Variants in THSD7B observed in about 807,000 individuals in gnomAD.
THSD7B encodes thrombospondin type-1 domain-containing protein 7B.
THSD7B carries 138 observed loss-of-function variants against 213.6 expected under a neutral mutation model. The observed-to-expected ratio is 0.65, with a 90% CI of 0.56 to 0.74. THSD7B has a LOEUF of 0.74. Among genes scored for constraint, THSD7B ranks in the 30% least tolerant of loss-of-function variants. The pLI is 0.00. For missense variants in THSD7B, 1,931 were observed against 1,991.5 expected, an observed-to-expected ratio of 0.97 and a Z score of 0.58; for synonymous variants, 742 against 687.0, an observed-to-expected ratio of 1.08 and a Z score of -1.25.
intron 15 of THSD7B, among the ~76,000 whole-genome samples, chr2:137,482,326 C>G (rs985079079): frequency 8.6e-5 from 13 of 152,022 alleles, no homozygotes; most frequent in South Asian, 8.3e-4. Context: ...AAGAATAAAT[C>G]TAATTGCATA....
chr2:137,252,857 T>C (rs1682218380), intron 10 of THSD7B, among the ~76,000 whole-genome samples: 1 of 151,214 alleles, frequency 6.6e-6, no homozygotes, highest in Admixed American at 6.6e-5. Flanking sequence ...CCAGTTACAC[T>C]CTGGGTGCTA....
At chr2:137,243,277 C>A (rs902726628) in intron 10 of THSD7B, among the ~76,000 whole-genome samples, 1 of 152,188 alleles carries the variant, frequency 6.6e-6, no homozygotes, top group South Asian at 2.1e-4. Flanking sequence ...CCCAAAACTC[C>A]ATTTTGGCCT....
intron 20 of THSD7B, among the ~76,000 whole-genome samples, chr2:137,641,686 C>T (rs974687340): frequency 7.2e-5 from 11 of 152,238 alleles, no homozygotes; most frequent in Non-Finnish European, 1.3e-4. Context: ...TGACCTAATG[C>T]CTAGGAGGGG....
intron 7 of THSD7B, among the ~76,000 whole-genome samples, chr2:137,229,035 G>A (rs1002242383): frequency 6.6e-6 from 1 of 152,168 alleles, no homozygotes. Flanking sequence ...CAGGTGAAGA[G>A]CACTACATCT....
At chr2:136,942,607 T>A (rs1248476036) in intron 2 of THSD7B, among the ~76,000 whole-genome samples, 4 of 152,114 alleles carry the variant, frequency 2.6e-5, no homozygotes, top group Non-Finnish European at 4.4e-5. Context: ...ATTCTCTTTG[T>A]AGCAATTGTG....
intron 3 of THSD7B, among the ~76,000 whole-genome samples, chr2:137,074,903 A>G (rs543213229): frequency 3.0e-4 from 46 of 152,204 alleles, no homozygotes; most frequent in African/African-American, 1.2e-4. Flanking sequence ...TAAGAATGTT[A>G]AATATTGGCC....
At chr2:137,193,322 G>A (rs991781819) in intron 7 of THSD7B, among the ~76,000 whole-genome samples, 7 of 152,092 alleles carry the variant, frequency 4.6e-5, no homozygotes, top group Non-Finnish European at 5.9e-5. Context: ...TTATAATTGC[G>A]TAAATTTATG....
intron 15 of THSD7B, among the ~76,000 whole-genome samples, chr2:137,500,690 T>C (rs1679682451): frequency 6.6e-6 from 1 of 152,228 alleles, no homozygotes; most frequent in Non-Finnish European, 1.5e-5. Context: ...ATGATATGTG[T>C]GTAGCTCCTA....
intron 3 of THSD7B, among the ~76,000 whole-genome samples, chr2:137,063,895 A>C (rs2104884133): frequency 6.6e-6 from 1 of 152,138 alleles, no homozygotes; most frequent in East Asian, 1.9e-4. Flanking sequence ...TATATGTACC[A>C]CATTTTCTTT....
intron 20 of THSD7B, among the ~76,000 whole-genome samples, chr2:137,635,846 G>T (rs766530257): frequency 6.6e-6 from 1 of 151,796 alleles, no homozygotes; most frequent in Non-Finnish European, 1.5e-5. Context: ...TGAGATTATA[G>T]GTATACACTA....
chr2:137,039,415 C>T (rs1187108880), intron 2 of THSD7B, among the ~76,000 whole-genome samples: 8 of 152,138 alleles, frequency 5.3e-5, no homozygotes, highest in Non-Finnish European at 1.2e-4. Flanking sequence ...TTGCCATAAG[C>T]GGAGAGGGGG....
At chr2:137,111,853 G>A (rs1002531663) in intron 4 of THSD7B, among the ~76,000 whole-genome samples, 9 of 152,060 alleles carry the variant, frequency 5.9e-5, no homozygotes, top group African/African-American at 9.7e-5. Flanking sequence ...AGCCAATTTC[G>A]AAGTTTCATC....
At chr2:137,448,459 G>A (rs1036561389) in intron 14 of THSD7B, among the ~76,000 whole-genome samples, 2 of 152,220 alleles carry the variant, frequency 1.3e-5, no homozygotes, top group Middle Eastern at 3.4e-3. Context: ...ACGGGAGGGT[G>A]GGGGGAACAA....
At chr2:137,626,768 CT>C in intron 20 of THSD7B, among the ~76,000 whole-genome samples, 1 of 152,250 alleles carries the variant, frequency 6.6e-6, no homozygotes, top group Admixed American at 6.5e-5. Flanking sequence ...GTATGCTATT[CT>C]TTTAAGTTCT....
At chr2:137,580,638 T>C (rs1004545826) in intron 17 of THSD7B, among the ~76,000 whole-genome samples, 1 of 152,208 alleles carries the variant, frequency 6.6e-6, no homozygotes, top group Non-Finnish European at 1.5e-5. Context: ...ATTGTTCTCA[T>C]GTTGCTGTAA....
chr2:136,964,432 T>C (rs1685279921), intron 2 of THSD7B, among the ~76,000 whole-genome samples: 1 of 151,534 alleles, frequency 6.6e-6, no homozygotes, highest in Non-Finnish European at 1.5e-5. Context: ...CTCTAAAAAA[T>C]AAATAAAAGG....
At chr2:137,054,661 A>G (rs1324444152) in intron 2 of THSD7B, among the ~76,000 whole-genome samples, 1 of 152,212 alleles carries the variant, frequency 6.6e-6, no homozygotes, top group East Asian at 1.9e-4. Context: ...ATTCAGGGAA[A>G]GAGAGAGAGC....
intron 8 of THSD7B, among the ~76,000 whole-genome samples, chr2:137,231,884 G>A (rs1224379802): frequency 6.6e-6 from 1 of 152,106 alleles, no homozygotes; most frequent in Non-Finnish European, 1.5e-5. Context: ...CCCTCCCTTG[G>A]CTTTTTCTGC....
At chr2:136,803,635 C>A (rs1471963648) in intron 1 of THSD7B, among the ~76,000 whole-genome samples, 1 of 152,074 alleles carries the variant, frequency 6.6e-6, no homozygotes, top group East Asian at 1.9e-4. Flanking sequence ...ATATATAGAG[C>A]AAGACAGATA....
Sources: allele counts gnomAD v4.1 joint callset (sites outside exome capture counted in the v4.1 genomes callset), GRCh38; gene constraint gnomAD v4.1.1; transcripts MANE v1.5; gene names NCBI Gene and HGNC (gene_info 2026-07-23, HGNC 2026-07-21).